The following RIGI variants were observed in gnomAD, a reference collection of about 807,000 sequenced individuals.
RIGI encodes the protein antiviral innate immune response receptor RIG-I.
the RIGI span, among the ~76,000 whole-genome samples, chr9:32,466,697 A>C: frequency 1.5e-5 from 1 of 64,662 alleles, no homozygotes; most frequent in Non-Finnish European, 4.2e-5. Flanking sequence ...TCTCAAAAAA[A>C]AAAAAAAAAA....
chr9:32,473,797 G>A, the RIGI span, among the ~76,000 whole-genome samples: 34 of 152,198 alleles, frequency 2.2e-4, 1 homozygote, highest in South Asian at 1.5e-3. Flanking sequence ...GGAGGCCGAG[G>A]CAGGAGAGTC....
At chr9:32,482,631 C>T in the RIGI span, among the ~76,000 whole-genome samples, 3 of 152,202 alleles carry the variant, frequency 2.0e-5, no homozygotes, top group African/African-American at 4.8e-5. Flanking sequence ...GAGCCCCAGG[C>T]GGGTGGATCA....
the RIGI span, among the ~76,000 whole-genome samples, chr9:32,517,353 A>C: frequency 6.6e-6 from 1 of 152,212 alleles, no homozygotes. Context: ...CCAAGGTAAA[A>C]GCTGTTGGAT....
the RIGI span, chr9:32,487,414 A>C: frequency 6.5e-7 from 1 of 1,547,386 alleles, no homozygotes; most frequent in Non-Finnish European, 8.9e-7. Flanking sequence ...ATGGCTCTGA[A>C]CTAGAGGTAG....
chr9:32,481,376 A>C, the RIGI span: 5 of 1,613,924 alleles, frequency 3.1e-6, no homozygotes, highest in Admixed American at 1.7e-5. Context: ...GGGCTTTACA[A>C]ATCCTGCTCT....
chr9:32,516,046 C>T, the RIGI span, among the ~76,000 whole-genome samples: 6 of 152,122 alleles, frequency 3.9e-5, no homozygotes, highest in Non-Finnish European at 8.8e-5. Context: ...AGAAATTGAC[C>T]CTTCTGGTCT....
chr9:32,463,891 A>G, the RIGI span, among the ~76,000 whole-genome samples: 11 of 23,508 alleles, frequency 4.7e-4, 5 homozygotes, highest in Middle Eastern at 0.1. Context: ...TCTGATTTCA[A>G]ATAAACCTTC....
chr9:32,487,730 T>C, the RIGI span: 1 of 1,455,746 alleles, frequency 6.9e-7, no homozygotes, highest in East Asian at 2.3e-5. Flanking sequence ...AGGGCGTTTT[T>C]TTGTTTTTAC....
At chr9:32,521,848 GA>G in the RIGI span, among the ~76,000 whole-genome samples, 2 of 151,426 alleles carry the variant, frequency 1.3e-5, no homozygotes, top group East Asian at 3.9e-4. Flanking sequence ...TATGCCAACA[GA>G]AAAAAAAATT....
the RIGI span, among the ~76,000 whole-genome samples, chr9:32,503,290 T>C: frequency 7.9e-5 from 12 of 152,258 alleles, 1 homozygote; most frequent in African/African-American, 2.9e-4. Flanking sequence ...CAGTTCACAT[T>C]TACTTTGCAT....
chr9:32,484,181 T>C, the RIGI span, among the ~76,000 whole-genome samples: 1 of 152,154 alleles, frequency 6.6e-6, no homozygotes, highest in African/African-American at 2.4e-5. Flanking sequence ...AAGATTATCC[T>C]GTAGGCAAAG....
At chr9:32,470,002 CCATT>C in the RIGI span, among the ~76,000 whole-genome samples, 1 of 152,140 alleles carries the variant, frequency 6.6e-6, no homozygotes, top group Non-Finnish European at 1.5e-5. Flanking sequence ...GAATTATTTA[CCATT>C]CAAAGTCATG....
At chr9:32,525,899 C>T in the RIGI span, among the ~76,000 whole-genome samples, 1 of 152,134 alleles carries the variant, frequency 6.6e-6, no homozygotes, top group Non-Finnish European at 1.5e-5. Context: ...CCGAGGGCTC[C>T]TCAAACTCTG....
the RIGI span, among the ~76,000 whole-genome samples, chr9:32,479,195 C>A: frequency 6.6e-6 from 1 of 152,114 alleles, no homozygotes; most frequent in African/African-American, 2.4e-5. Flanking sequence ...CTATGAGAAC[C>A]AATTGGCTAT....
the RIGI span, among the ~76,000 whole-genome samples, chr9:32,459,955 TG>T: frequency 6.6e-6 from 1 of 152,074 alleles, no homozygotes; most frequent in African/African-American, 2.4e-5. Context: ...ATGGTTTGGC[TG>T]TGTCCTCACC....
the RIGI span, among the ~76,000 whole-genome samples, chr9:32,504,907 ATAT>A: frequency 1.6e-4 from 23 of 140,218 alleles, no homozygotes; most frequent in African/African-American, 5.5e-4. Context: ...ATAAAAGTAT[ATAT>A]TATATCTATT....
the RIGI span, among the ~76,000 whole-genome samples, chr9:32,491,658 C>T: frequency 1.3e-5 from 2 of 149,406 alleles, no homozygotes; most frequent in African/African-American, 4.9e-5. Flanking sequence ...GAACGTATTG[C>T]CCTACTGAAT....
chr9:32,492,976 G>A, the RIGI span, among the ~76,000 whole-genome samples: 1 of 152,052 alleles, frequency 6.6e-6, no homozygotes, highest in Admixed American at 6.6e-5. Flanking sequence ...CATACTCTGT[G>A]CAAGACATAC....
the RIGI span, among the ~76,000 whole-genome samples, chr9:32,482,177 G>A: frequency 6.8e-6 from 1 of 147,434 alleles, no homozygotes; most frequent in African/African-American, 2.6e-5. Context: ...CAGTGCATCT[G>A]TGTGTTTGTT....
Sources: allele counts gnomAD v4.1 joint callset (sites outside exome capture counted in the v4.1 genomes callset), GRCh38; gene constraint gnomAD v4.1.1; transcripts MANE v1.5; gene names NCBI Gene and HGNC (gene_info 2026-07-23, HGNC 2026-07-21).